Variants in LRP1B observed in about 807,000 individuals in gnomAD.
LRP1B encodes the protein low-density lipoprotein receptor-related protein 1B.
A neutral mutation model predicts 556.6 loss-of-function variants in LRP1B; 217 were observed. The ratio of observed to expected loss-of-function variants is 0.39; its 90% confidence interval spans 0.35 to 0.44. The LOEUF (loss-of-function observed/expected upper bound fraction) is 0.44. Ranked by LOEUF, LRP1B falls within the 20% of genes least tolerant of loss-of-function variation. LRP1B has a pLI of 1.00. For missense variants in LRP1B, 5,053 were observed against 5,620.8 expected, an observed-to-expected ratio of 0.90 and a Z score of 3.23; for synonymous variants, 2,047 against 1,865.8, an observed-to-expected ratio of 1.10 and a Z score of -2.50.
At chr2:140,965,544 A>C (rs1356970050) in intron 18 of LRP1B, among the ~76,000 whole-genome samples, 2 of 59,612 alleles carry the variant, frequency 3.4e-5, no homozygotes, top group African/African-American at 8.2e-5. Context: ...ACTATTTTCT[A>C]AATTGATTTT....
chr2:142,065,760 C>A (rs1705087099), intron 1 of LRP1B, among the ~76,000 whole-genome samples: 1 of 151,434 alleles, frequency 6.6e-6, no homozygotes, highest in East Asian at 2.0e-4. Context: ...CACCCCATTC[C>A]AAAATTTTCC....
At position 140,276,032 on chromosome 2, in the gene LRP1B, C is replaced by T. The variant is rs144114277; in HGVS notation, c.12968-1434G>A. On this transcript the variant is annotated intron_variant, in intron 84 of 90. Transcript: ENST00000389484. ...AATTAATAATATAAATGATCCTATG[C>T]AAAATAATTGATTAAATTGATTCCA... Among the ~76,000 whole-genome samples, 146 of 151,842 alleles carry T rather than the reference C, an allele frequency of 9.6e-4. 2 individuals are homozygous for T. In the East Asian group the frequency reaches 0.019, roughly 20 times the overall value.
intron 2 of LRP1B, among the ~76,000 whole-genome samples, chr2:141,569,733 A>G (rs1686462227): frequency 6.6e-6 from 1 of 151,162 alleles, no homozygotes; most frequent in Non-Finnish European, 1.5e-5. Flanking sequence ...CAAATTAACA[A>G]GTGTTAACTA....
At chr2:140,620,660 A>T (rs544589540) in intron 41 of LRP1B, among the ~76,000 whole-genome samples, 8 of 152,000 alleles carry the variant, frequency 5.3e-5, no homozygotes, top group Non-Finnish European at 1.2e-4. Context: ...AAGTGTAAAG[A>T]TCTTCAAAAG....
chr2:140,438,025 T>A (rs1686262054), intron 66 of LRP1B, among the ~76,000 whole-genome samples: 2 of 151,884 alleles, frequency 1.3e-5, no homozygotes, highest in South Asian at 2.1e-4. Flanking sequence ...TTTTTGATTG[T>A]TTGTTTTTTC....
At chr2:141,809,207 C>G (rs1470974654) in intron 2 of LRP1B, among the ~76,000 whole-genome samples, 1 of 152,064 alleles carries the variant, frequency 6.6e-6, no homozygotes, top group Admixed American at 6.6e-5. Context: ...AGGTATTCAC[C>G]TTTTGAGAAA....
intron 43 of LRP1B, among the ~76,000 whole-genome samples, chr2:140,544,980 T>G (rs1408361216): frequency 6.6e-6 from 1 of 152,156 alleles, no homozygotes; most frequent in East Asian, 1.9e-4. Context: ...TTTTTAATAA[T>G]AGCCATTCTG....
intron 59 of LRP1B, 29 bp from the exon 60 acceptor site, chr2:140,475,366 T>A (rs367862453): frequency 9.3e-6 from 14 of 1,505,856 alleles, no homozygotes; most frequent in African/African-American, 1.4e-5. Context: ...ACTGATTTTG[T>A]TTACAGATTC....
intron 2 of LRP1B, among the ~76,000 whole-genome samples, chr2:141,492,079 G>GAAAAAAAAAAAAAAAAAAAAAAAAAAA (rs1553521014): frequency 3.7e-4 from 3 of 8,056 alleles, no homozygotes; most frequent in African/African-American, 8.3e-4. Context: ...TTAGCTTTCT[G>GAAAAAAAAAAAAAAAAAAAAAAAAAAA]AAAAAAAAAA....
chr2:140,238,327 T>A, intron 88 of LRP1B, 31 bp from the exon 89 acceptor site: 1 of 1,224,284 alleles, frequency 8.2e-7, no homozygotes, highest in Non-Finnish European at 1.2e-6. Context: ...TATGTGTGAG[T>A]TTTGTATAAA....
At chr2:140,597,744 C>T (rs1682501069) in intron 43 of LRP1B, among the ~76,000 whole-genome samples, 1 of 152,090 alleles carries the variant, frequency 6.6e-6, no homozygotes. Context: ...ACTGTCAGGT[C>T]TATTCATTTA....
intron 1 of LRP1B, among the ~76,000 whole-genome samples, chr2:142,013,729 A>C (rs1454795693): frequency 6.6e-6 from 1 of 152,104 alleles, no homozygotes. Flanking sequence ...ACTAATATTA[A>C]TTATAATTTT....
At chr2:140,618,084 C>G (rs985115118) in intron 41 of LRP1B, among the ~76,000 whole-genome samples, 3 of 151,674 alleles carry the variant, frequency 2.0e-5, no homozygotes, top group African/African-American at 7.3e-5. Context: ...TTAAAATTTA[C>G]TATTCGGTTA....
intron 6 of LRP1B, among the ~76,000 whole-genome samples, chr2:141,196,410 C>T (rs1558925853): frequency 6.6e-6 from 1 of 152,086 alleles, no homozygotes; most frequent in Non-Finnish European, 1.5e-5. Flanking sequence ...CCTCCATACT[C>T]ATGGACGCAT....
At chr2:142,068,283 T>G (rs898433846) in intron 1 of LRP1B, among the ~76,000 whole-genome samples, 1 of 151,574 alleles carries the variant, frequency 6.6e-6, no homozygotes, top group Non-Finnish European at 1.5e-5. Flanking sequence ...TGCTTTTACA[T>G]TTACTTCATA....
chr2:141,825,157 A>T (rs1332944175), intron 1 of LRP1B, among the ~76,000 whole-genome samples: 1 of 152,212 alleles, frequency 6.6e-6, no homozygotes, highest in Non-Finnish European at 1.5e-5. Context: ...AGCAGTGTGA[A>T]AACAGACCAG....
chr2:140,322,235 A>G, intron 81 of LRP1B, 147 bp from the exon 82 acceptor site: 1 of 720,790 alleles, frequency 1.4e-6, no homozygotes, highest in Non-Finnish European at 2.3e-6. Context: ...ATCTCACTCA[A>G]TATCATCATT....
intron 3 of LRP1B, among the ~76,000 whole-genome samples, chr2:141,267,993 T>G (rs1368161155): frequency 6.6e-6 from 1 of 152,188 alleles, no homozygotes; most frequent in African/African-American, 2.4e-5. Flanking sequence ...AAATCTACTT[T>G]AAAAGTGAAA....
intron 2 of LRP1B, among the ~76,000 whole-genome samples, chr2:141,709,119 C>T (rs867379270): frequency 5.9e-5 from 9 of 151,908 alleles, no homozygotes; most frequent in South Asian, 4.2e-4. Flanking sequence ...GGGAGGCCGA[C>T]GCAGGCAGAT....
Sources: gnomAD v4.1 joint callset for allele counts (sites outside exome capture counted in the v4.1 genomes callset) on GRCh38, gnomAD v4.1.1 for gene constraint, MANE v1.5 for transcripts, NCBI Gene and HGNC (gene_info 2026-07-23, HGNC 2026-07-21) for gene names.